DNAJC15: variants seen among roughly 807,000 people sequenced by gnomAD.
The protein encoded by DNAJC15 is DnaJ heat shock protein family (Hsp40) member C15.
DNAJC15 carries 27 observed loss-of-function variants against 22.4 expected under a neutral mutation model. The observed-to-expected ratio is 1.20, with a 90% CI of 0.89 to 1.66. DNAJC15 has a LOEUF of 1.66. Ranked by LOEUF, DNAJC15 falls within the 40% of genes most tolerant of loss-of-function variation. The pLI, the probability that DNAJC15 is intolerant of heterozygous loss-of-function variation, is 0.00. For synonymous variants in DNAJC15, 79 were observed against 63.2 expected, an observed-to-expected ratio of 1.25 and a Z score of -1.19; for missense variants, 208 against 187.1, an observed-to-expected ratio of 1.11 and a Z score of -0.65.
At position 43,107,190 on chromosome 13, in the gene DNAJC15, A is replaced by T; in HGVS notation, c.395A>T (p.Tyr132Phe). The T allele has an allele frequency of 6.3e-7, 1 of 1,591,186 alleles. No homozygotes were observed. The highest frequency in any genetic ancestry group is 1.7e-4 in the Middle Eastern group (1 of 5,740). Residue 132 changes from tyrosine to phenylalanine, a missense_variant, in exon 6 of 6, where the codon TAC becomes TTC. Tyr to Phe is a conservative substitution (Grantham distance 22). Transcript: ENST00000379221. The stretch of plus-strand genomic sequence containing the variant: ...TTTGTTCTCTCAGGTGGATCTCCTT[A>T]CGTAGCAGCCAAAATAAATGAAGCA... Reference protein sequence around the residue: ...LNHPDKGGSPYVAAKINEAKD... With the variant: ...LNHPDKGGSPFVAAKINEAKD...
At chr13:43,061,447 C>A (rs190785969) in intron 1 of DNAJC15, among the ~76,000 whole-genome samples, 1 of 152,160 alleles carries the variant, frequency 6.6e-6, no homozygotes, top group East Asian at 1.9e-4. Flanking sequence ...GGATCTGATG[C>A]CTTTTGATGG....
intron 1 of DNAJC15, among the ~76,000 whole-genome samples, chr13:43,024,498 C>T (rs1269444956): frequency 6.6e-6 from 1 of 151,968 alleles, no homozygotes; most frequent in African/African-American, 2.4e-5. Flanking sequence ...CGCCTGCCAC[C>T]ACTCCCGGCT....
chr13:43,101,804 T>C (rs929542237), intron 5 of DNAJC15, among the ~76,000 whole-genome samples: 1 of 152,232 alleles, frequency 6.6e-6, no homozygotes, highest in Admixed American at 6.5e-5. Context: ...ATTATAGATA[T>C]GTACCATGTT....
At chr13:43,098,217 C>T (rs2040750661) in intron 5 of DNAJC15, among the ~76,000 whole-genome samples, 1 of 152,062 alleles carries the variant, frequency 6.6e-6, no homozygotes, top group Non-Finnish European at 1.5e-5. Context: ...AAATTTGACC[C>T]CTATAAGGAA....
chr13:43,073,519 T>C (rs1290666801), intron 3 of DNAJC15, among the ~76,000 whole-genome samples: 1 of 152,232 alleles, frequency 6.6e-6, no homozygotes. Context: ...ATGCTCTATA[T>C]GAGTAGAGTA....
intron 5 of DNAJC15, among the ~76,000 whole-genome samples, chr13:43,097,877 C>T (rs577249753): frequency 9.2e-5 from 14 of 152,110 alleles, no homozygotes; most frequent in Admixed American, 2.6e-4. Context: ...GCAGAGGTTG[C>T]GGTGAGCCAA....
intron 5 of DNAJC15, among the ~76,000 whole-genome samples, chr13:43,106,325 T>C (rs1458368266): frequency 6.6e-6 from 1 of 152,184 alleles, no homozygotes; most frequent in Non-Finnish European, 1.5e-5. Flanking sequence ...TATTGAGGAC[T>C]AGAAGTTAGA....
In DNAJC15 at chr13:43,034,506, G is replaced by A. The variant is rs892806778; in HGVS notation, c.108+10772G>A. Among the ~76,000 whole-genome samples the A allele has an allele frequency of 6.8e-5, 10 of 147,540 alleles. No homozygotes were observed. The East Asian group carries it at 1.2e-3, about 17-fold the overall frequency. On this transcript the variant is annotated intron_variant, in intron 1 of 5. Coordinates refer to ENST00000379221, the MANE Select transcript of DNAJC15 (RefSeq NM_013238.3). ...AATTTTTTGAATTTTTAGTAGAGAC[G>A]GGGTTTCCCCGTGTTAGCCAGGATG...
chr13:43,050,009 C>A (rs1181473079), intron 1 of DNAJC15, among the ~76,000 whole-genome samples: 1 of 152,180 alleles, frequency 6.6e-6, no homozygotes, highest in Non-Finnish European at 1.5e-5. Context: ...ACTTCCACTT[C>A]CCAGGTTCAA....
intron 1 of DNAJC15, among the ~76,000 whole-genome samples, chr13:43,064,207 G>A (rs1379132614): frequency 2.0e-5 from 3 of 152,252 alleles, no homozygotes; most frequent in Non-Finnish European, 2.9e-5. Flanking sequence ...CTTGTCCTCC[G>A]GCTCTAGATT....
intron 3 of DNAJC15, among the ~76,000 whole-genome samples, chr13:43,077,582 A>C (rs2153441308): frequency 6.6e-6 from 1 of 152,260 alleles, no homozygotes; most frequent in African/African-American, 2.4e-5. Flanking sequence ...TCCCATGTCA[A>C]CCAGTCAGTA....
intron 3 of DNAJC15, among the ~76,000 whole-genome samples, chr13:43,075,775 G>T (rs954023197): frequency 2.6e-5 from 4 of 152,130 alleles, no homozygotes; most frequent in Admixed American, 2.6e-4. Flanking sequence ...TGATTCTCCT[G>T]CCTCAGCCTC....
Position 43,112,722 on chromosome 13 carries a change from G to A in DNAJC15, c.*5474G>A, listed in dbSNP as rs2040830619. 1 of 152,122 alleles carries A rather than the reference G, an allele frequency of 6.6e-6. No homozygotes were observed. The highest frequency in any genetic ancestry group is 2.1e-4 in the South Asian group (1 of 4,820). The allele number at this position is 152,122 out of a possible 1,614,324, so 9.4% of individuals were successfully genotyped here. On this transcript the variant is annotated 3_prime_UTR_variant, in exon 6 of 6. Transcript: ENST00000379221. ...TAAGAAACAGGCTCAGAGGAGTTTA[G>A]GATCTTTTCCAAGATTACATAGCCA...
chr13:43,051,079 A>G (rs2040500696), intron 1 of DNAJC15, among the ~76,000 whole-genome samples: 1 of 151,980 alleles, frequency 6.6e-6, no homozygotes. Flanking sequence ...GGTTCAAGGG[A>G]TTCTCCTGTC....
intron 1 of DNAJC15, among the ~76,000 whole-genome samples, chr13:43,058,146 GT>G (rs2040540509): frequency 6.6e-6 from 1 of 152,112 alleles, no homozygotes; most frequent in Non-Finnish European, 1.5e-5. Context: ...GGAAATAGCT[GT>G]TTTCTTTTTT....
intron 1 of DNAJC15, among the ~76,000 whole-genome samples, chr13:43,064,970 GAAA>G (rs34236620): frequency 4.4e-4 from 63 of 142,614 alleles, no homozygotes; most frequent in South Asian, 3.3e-3. Flanking sequence ...TGATCATATT[GAAA>G]AAAAAAAAAA....
At chr13:43,075,264 G>T (rs979587624) in intron 3 of DNAJC15, among the ~76,000 whole-genome samples, 2 of 151,998 alleles carry the variant, frequency 1.3e-5, no homozygotes, top group African/African-American at 4.8e-5. Flanking sequence ...TAGATTTTTG[G>T]CAGCCTTTTC....
chr13:43,051,276 C>G (rs1472602925), intron 1 of DNAJC15, among the ~76,000 whole-genome samples: 1 of 152,200 alleles, frequency 6.6e-6, no homozygotes, highest in Non-Finnish European at 1.5e-5. Context: ...CTGTGCCCAG[C>G]TATTTTATTT....
chr13:43,049,196 G>C (rs929691528), intron 1 of DNAJC15, among the ~76,000 whole-genome samples: 6 of 152,178 alleles, frequency 3.9e-5, no homozygotes, highest in Non-Finnish European at 8.8e-5. Context: ...CTAGTTGGTA[G>C]AAAATGACTG....
Sources: allele counts gnomAD v4.1 joint callset (sites outside exome capture counted in the v4.1 genomes callset), GRCh38; gene constraint gnomAD v4.1.1; transcripts MANE v1.5; gene names NCBI Gene and HGNC (gene_info 2026-07-23, HGNC 2026-07-21).